The following NKD1 variants were observed in gnomAD, a reference collection of about 807,000 sequenced individuals.
NKD1 encodes protein naked cuticle homolog 1.
Under a neutral mutation model 56.0 loss-of-function variants are expected in NKD1, and 21 were observed. The observed-to-expected ratio is 0.38, with a 90% confidence interval of 0.27 to 0.54. The LOEUF (loss-of-function observed/expected upper bound fraction) is 0.54, where lower values mean the gene tolerates loss of function less well. NKD1 is among the 20% of genes least tolerant of loss of function. The probability of loss-of-function intolerance (pLI) is 0.82; values close to 1 mark genes in which losing one functional copy is unlikely to be tolerated. For missense variants in NKD1, 578 were observed against 642.7 expected (o/e 0.90, Z 1.09); for synonymous variants, 263 against 265.7 (o/e 0.99, Z 0.10).
chr16:50,552,944 T>C (rs945022913), intron 3 of NKD1, among the ~76,000 whole-genome samples: 3 of 152,104 alleles, frequency 2.0e-5, no homozygotes, highest in African/African-American at 7.2e-5. Context: ...TCCAAGGGAA[T>C]ATGGACTCAT....
chr16:50,550,413 TC>T (rs1960356073), intron 3 of NKD1, among the ~76,000 whole-genome samples: 1 of 152,060 alleles, frequency 6.6e-6, no homozygotes, highest in Non-Finnish European at 1.5e-5. Flanking sequence ...TCTGGTTAGT[TC>T]TTTGGTCTTA....
chr16:50,608,496 G>T, intron 4 of NKD1, 136 bp downstream of exon 4: 2 of 684,140 alleles, frequency 2.9e-6, no homozygotes, highest in Non-Finnish European at 5.4e-6. Context: ...CTGGGTGGGG[G>T]TGGACTAGAG....
Position 50,598,053 on chromosome 16 carries a change from G to A in NKD1, c.193-10241G>A, listed in dbSNP as rs891069030. 6.6e-6 allele frequency among the ~76,000 whole-genome samples: 1 copy of A among 152,158 alleles called. No individual in the cohort carries two copies. The highest frequency in any genetic ancestry group is 2.4e-5 in the African/African-American group (1 of 41,422). On this transcript the variant is annotated intron_variant, in intron 3 of 9. Coordinates refer to ENST00000268459, the MANE Select transcript of NKD1 (RefSeq NM_033119.5). The surrounding 1 kb of genome is among the most constrained non-coding windows in gnomAD (Gnocchi z 4.2). ...AGGGCTGGGAGGCTCCAAGTGGGCG[G>A]TCTGGCCTGTGAGAGGGATGGTGAC...
chr16:50,601,343 A>G (rs1413234616), intron 3 of NKD1, among the ~76,000 whole-genome samples: 1 of 152,110 alleles, frequency 6.6e-6, no homozygotes, highest in African/African-American at 2.4e-5. Context: ...GGAAGCAGCA[A>G]AGGCCGTTTA....
rs780500100 is a variant in NKD1 at position 50,646,603 on chromosome 16, G to T, written c.*12822G>T. 1.3e-5 allele frequency: 2 copies of T among 152,234 alleles called. No individual in the cohort carries two copies. The highest frequency in any genetic ancestry group is 2.9e-5 in the Non-Finnish European group (2 of 68,084). The allele number at this position is 152,234 out of a possible 1,614,324, so 9.4% of individuals were successfully genotyped here. On this transcript the variant is annotated 3_prime_UTR_variant, in exon 10 of 10. Coordinates refer to ENST00000268459, the MANE Select transcript of NKD1 (RefSeq NM_033119.5). ...TGCCTGGCTGTGGCTCAGGCCCTGG[G>T]GACACAGTGCCCTCCCTCTAGGAGC...
Position 50,548,440 on chromosome 16 carries a change from C to T in NKD1, c.-114C>T. The T allele has an allele frequency of 1.3e-6, 1 of 774,654 alleles. No individual in the cohort carries two copies. Among genetic ancestry groups the T allele is most frequent in the Non-Finnish European group, 1.7e-6 (1 of 578,664 alleles). The allele number at this position is 774,654 out of a possible 1,614,324, so 48.0% of individuals were successfully genotyped here. The stretch of plus-strand genomic sequence containing the variant: ...CGGCAGGAGCGCGTCCCGGCGCCGC[C>T]TCGGGCTCCGCTCGGCTCGGGGGCT... On this transcript the variant is annotated 5_prime_UTR_variant, in exon 1 of 10. Transcript: ENST00000268459.
intron 5 of NKD1, among the ~76,000 whole-genome samples, chr16:50,621,996 C>T (rs970535421): frequency 1.1e-4 from 17 of 152,230 alleles, no homozygotes; most frequent in Non-Finnish European, 2.9e-5. Flanking sequence ...AGGCAGGACT[C>T]TGGCCCTTCT....
At chr16:50,621,321 G>A (rs1267070868) in intron 4 of NKD1, among the ~76,000 whole-genome samples, 1 of 152,236 alleles carries the variant, frequency 6.6e-6, no homozygotes, top group African/African-American at 2.4e-5. Flanking sequence ...ACTGCTCTGG[G>A]TGGCTGTGTG....
chr16:50,567,016 T>C (rs930155029), intron 3 of NKD1, among the ~76,000 whole-genome samples: 3 of 139,762 alleles, frequency 2.1e-5, no homozygotes, highest in African/African-American at 5.5e-5. Flanking sequence ...CCCCCCCCCT[T>C]TTTTTTTAAG....
At chr16:50,614,896 G>A (rs1330310961) in intron 4 of NKD1, among the ~76,000 whole-genome samples, 1 of 152,206 alleles carries the variant, frequency 6.6e-6, no homozygotes, top group Non-Finnish European at 1.5e-5. Flanking sequence ...GAAAGGGCCC[G>A]TGTAGGTGAG....
At chr16:50,625,689 C>T (rs1205093998) in intron 6 of NKD1, 109 bp downstream of exon 6, 3 of 716,502 alleles carry the variant, frequency 4.2e-6, no homozygotes, top group Non-Finnish European at 7.4e-6. Flanking sequence ...TCCTGCCCCT[C>T]AGGGAAGGCC....
intron 4 of NKD1, among the ~76,000 whole-genome samples, chr16:50,614,368 A>G (rs940749005): frequency 1.1e-4 from 16 of 152,130 alleles, no homozygotes; most frequent in African/African-American, 3.4e-4. Flanking sequence ...ATGCACGCAC[A>G]CACACACACT....
intron 3 of NKD1, chr16:50,574,749 A>T (rs778047099): frequency 2.0e-6 from 2 of 985,410 alleles, no homozygotes; most frequent in South Asian, 4.7e-5. Flanking sequence ...TGGTGAGCAA[A>T]TGGCTCCCTC....
intron 3 of NKD1, among the ~76,000 whole-genome samples, chr16:50,601,988 G>A (rs62032077): frequency 1.3e-5 from 2 of 152,202 alleles, no homozygotes; most frequent in African/African-American, 4.8e-5. Flanking sequence ...TGCCTGCCAT[G>A]CCCTCTTTCC....
In NKD1 at chr16:50,598,202, G is replaced by T. The variant is rs1422299618; in HGVS notation, c.193-10092G>T. On this transcript the variant is annotated intron_variant, in intron 3 of 9. Coordinates refer to ENST00000268459, the MANE Select transcript of NKD1 (RefSeq NM_033119.5). The surrounding 1 kb of genome is among the most constrained non-coding windows in gnomAD (Gnocchi z 4.2). Reference sequence around the variant, plus strand: ...GGCTTCTGCAAGATGGTTTCTCCAGGGCACTGCAGGGCCGCATGGGTGGAC... The same window carrying T: ...GGCTTCTGCAAGATGGTTTCTCCAGTGCACTGCAGGGCCGCATGGGTGGAC... 2.6e-5 allele frequency among the ~76,000 whole-genome samples: 4 copies of T among 151,316 alleles called. No homozygotes were observed. Among genetic ancestry groups the T allele is most frequent in the African/African-American group, 9.8e-5 (4 of 40,940 alleles).
intron 3 of NKD1, chr16:50,606,453 TG>T (rs1281339639): frequency 3.3e-6 from 1 of 303,244 alleles, no homozygotes; most frequent in African/African-American, 2.2e-5. Context: ...TACTGTTGAG[TG>T]GTGAGAGGCC....
chr16:50,632,349 G>A lies in NKD1; in HGVS notation c.764G>A (p.Arg255Lys), dbSNP rs1165237111. The change falls in exon 9 of 10, where the codon AGG becomes AAG. Residue 255 changes from arginine to lysine, a missense_variant. Coordinates refer to ENST00000268459, the MANE Select transcript of NKD1 (RefSeq NM_033119.5). The surrounding 1 kb of genome is among the most constrained non-coding windows in gnomAD (Gnocchi z 4.1). ...YHHCVDENIERRNHYLDLAGI... is the reference protein window; with the variant it reads ...YHHCVDENIEKRNHYLDLAGI... ...CATTGCGTAGATGAGAACATCGAGAGGAGAAACCACTACTTAGATCTCGCC... is the reference window on the plus strand; with the variant it reads ...CATTGCGTAGATGAGAACATCGAGAAGAGAAACCACTACTTAGATCTCGCC... 1 of 1,614,010 alleles carries A rather than the reference G, an allele frequency of 6.2e-7. No homozygotes were observed. Among genetic ancestry groups the A allele is most frequent in the Middle Eastern group, 1.6e-4 (1 of 6,080 alleles).
intron 3 of NKD1, among the ~76,000 whole-genome samples, chr16:50,584,665 G>A (rs1396764393): frequency 2.6e-5 from 4 of 152,226 alleles, no homozygotes; most frequent in African/African-American, 9.6e-5. Context: ...GTTGGTAAAT[G>A]TTAGCAATTA....
intron 3 of NKD1, chr16:50,571,501 T>C: frequency 1.0e-5 from 10 of 985,368 alleles, no homozygotes; most frequent in Non-Finnish European, 1.2e-5. Context: ...GGAAGCAGCC[T>C]TCCCCACCAA....
Sources: allele counts gnomAD v4.1 joint callset (sites outside exome capture counted in the v4.1 genomes callset), GRCh38; gene constraint gnomAD v4.1.1; non-coding constraint Gnocchi (gnomAD v3.1); transcripts MANE v1.5; gene names NCBI Gene and HGNC (gene_info 2026-07-23, HGNC 2026-07-21).